Variants in TEK observed in about 807,000 individuals in gnomAD.
The protein encoded by TEK is angiopoietin-1 receptor.
A neutral mutation model predicts 131.8 loss-of-function variants in TEK; 43 were observed. That is an observed-to-expected ratio of 0.33 (90% CI 0.26 to 0.42). The LOEUF (loss-of-function observed/expected upper bound fraction) is 0.42. Among genes scored for constraint, TEK ranks in the 10% least tolerant of loss-of-function variants. TEK has a pLI of 1.00. For synonymous variants in TEK, 580 were observed against 491.6 expected, an observed-to-expected ratio of 1.18 and a Z score of -2.38; for missense variants, 1,162 against 1,384.4, an observed-to-expected ratio of 0.84 and a Z score of 2.55.
intron 1 of TEK, among the ~76,000 whole-genome samples, chr9:27,143,431 G>C (rs867323644): frequency 6.6e-6 from 1 of 152,104 alleles, no homozygotes; most frequent in African/African-American, 2.4e-5. Context: ...GCCAGGGAGG[G>C]GGCACACCTT....
At chr9:27,226,759 C>T (rs1462203586) in intron 21 of TEK, among the ~76,000 whole-genome samples, 5 of 152,078 alleles carry the variant, frequency 3.3e-5, no homozygotes, top group Non-Finnish European at 7.4e-5. Flanking sequence ...TTGCCTAGAA[C>T]CTTGCTTCTG....
chr9:27,208,913 C>T (rs1825500573), intron 15 of TEK, among the ~76,000 whole-genome samples: 1 of 152,176 alleles, frequency 6.6e-6, no homozygotes, highest in Non-Finnish European at 1.5e-5. Context: ...AAACATCTTA[C>T]CATGCACAGG....
At chr9:27,137,118 A>T (rs1822486525) in intron 1 of TEK, among the ~76,000 whole-genome samples, 1 of 152,122 alleles carries the variant, frequency 6.6e-6, no homozygotes, top group African/African-American at 2.4e-5. Context: ...GGGTTTCACC[A>T]TGTTCCCCAA....
chr9:27,172,469 T>C, intron 4 of TEK, 147 bp from the exon 5 acceptor site: 1 of 1,129,480 alleles, frequency 8.9e-7, no homozygotes, highest in Non-Finnish European at 1.3e-6. Context: ...TCTCCCATAT[T>C]AGATGATGAG....
Position 27,173,291 on chromosome 9 carries a change from A to G in TEK, c.830A>G (p.Tyr277Cys), listed in dbSNP as rs767297984. 2 of 1,614,096 alleles carry G rather than the reference A, an allele frequency of 1.2e-6. No individual in the cohort carries two copies. The highest frequency in any genetic ancestry group is 1.1e-5 in the South Asian group (1 of 91,082). ...AGTGGACAAGAGGGATGCAAGTCTTATGTGTTCTGTCTCCCTGACCCCTAT... is the reference window on the plus strand; with the variant it reads ...AGTGGACAAGAGGGATGCAAGTCTTGTGTGTTCTGTCTCCCTGACCCCTAT... ...RCSGQEGCKS[Y>C]VFCLPDPYGC... is the part of the protein sequence containing the mutation. Residue 277 changes from tyrosine (Y) to cysteine (C), a missense_variant, in exon 6 of 23, where the codon TAT (tyrosine) becomes TGT (cysteine). By Grantham distance (194) the Tyr-to-Cys change is radical. This residue lies in a region of TEK where 436 missense variants were observed against 539.1 expected (regional missense o/e 0.81). Transcript: ENST00000380036.
chr9:27,114,648 T>G (rs1821479520), intron 1 of TEK, among the ~76,000 whole-genome samples: 1 of 152,232 alleles, frequency 6.6e-6, no homozygotes, highest in Non-Finnish European at 1.5e-5. Flanking sequence ...TGCACCAATC[T>G]GATAATCAAT....
At chr9:27,194,466 C>A (rs1824936255) in intron 11 of TEK, among the ~76,000 whole-genome samples, 1 of 152,056 alleles carries the variant, frequency 6.6e-6, no homozygotes, top group South Asian at 2.1e-4. Flanking sequence ...AAAAATAAAC[C>A]CAGAAACTAT....
intron 2 of TEK, among the ~76,000 whole-genome samples, chr9:27,165,976 G>C (rs764043384): frequency 1.3e-5 from 2 of 152,264 alleles, no homozygotes; most frequent in Admixed American, 6.5e-5. Flanking sequence ...TGCCCTCACA[G>C]GGTAGTTGTC....
intron 1 of TEK, among the ~76,000 whole-genome samples, chr9:27,115,828 T>C (rs2131030578): frequency 6.6e-6 from 1 of 152,268 alleles, no homozygotes; most frequent in South Asian, 2.1e-4. Context: ...GAAGCTGTAA[T>C]GTAGGATGAA....
intron 2 of TEK, among the ~76,000 whole-genome samples, chr9:27,158,954 C>T (rs1473670111): frequency 3.3e-5 from 5 of 152,166 alleles, no homozygotes; most frequent in Non-Finnish European, 7.3e-5. Flanking sequence ...CCACCATGCC[C>T]GGCCAGTGTA....
Position 27,213,526 on chromosome 9 carries a change from G to C in TEK, c.2920G>C (p.Glu974Gln). ...GGCTGCCAGAAACATTTTAGTTGGT[G>C]AAAACTATGTGGCAAAAATAGCAGA... ...DLAARNILVG[E>Q]NYVAKIADFG... is the part of the protein sequence containing the mutation. The change falls in exon 18 of 23, where the codon GAA becomes CAA. Residue 974 changes from glutamate to glutamine, a missense_variant. By Grantham distance (29) the Glu-to-Gln change is conservative. Coordinates refer to ENST00000380036, the MANE Select transcript of TEK (RefSeq NM_000459.5). 6.2e-7 allele frequency: 1 copy of C among 1,614,078 alleles called. No homozygotes were observed. Among genetic ancestry groups the C allele is most frequent in the Non-Finnish European group, 8.5e-7 (1 of 1,179,936 alleles).
chr9:27,135,278 C>T (rs11788136), intron 1 of TEK, among the ~76,000 whole-genome samples: 78,818 of 150,422 alleles, frequency 0.52, 21,619 homozygotes, highest in African/African-American at 0.57. Context: ...AGCTGGTTGG[C>T]ATTCATTAGC....
intron 12 of TEK, among the ~76,000 whole-genome samples, chr9:27,198,075 T>C (rs1295098460): frequency 6.6e-6 from 1 of 152,212 alleles, no homozygotes; most frequent in Non-Finnish European, 1.5e-5. Context: ...CAAAGTATTT[T>C]GCATTTCAGG....
chr9:27,174,532 C>G (rs1465646318), intron 6 of TEK, among the ~76,000 whole-genome samples: 1 of 152,084 alleles, frequency 6.6e-6, no homozygotes, highest in Non-Finnish European at 1.5e-5. Context: ...TTCCCTTTTT[C>G]ATAGTAAGTC....
rs949674657 is a variant in TEK, at chr9:27,194,876, G to A, written c.1624+2253G>A. Among the ~76,000 whole-genome samples the A allele has an allele frequency of 2.0e-5, 3 of 152,060 alleles. No individual in the cohort carries two copies. The South Asian group carries it at 6.2e-4, about 32-fold the overall frequency. The stretch of plus-strand genomic sequence containing the variant: ...TGAGATGGTGAAGGCCAGGGAGTCC[G>A]GGAGGGGAAGGAAGAGAACACTTTC... On this transcript the variant is annotated intron_variant, in intron 11 of 22. Coordinates refer to ENST00000380036, the MANE Select transcript of TEK (RefSeq NM_000459.5).
chr9:27,128,305 C>A (rs1227775434), intron 1 of TEK, among the ~76,000 whole-genome samples: 1 of 152,142 alleles, frequency 6.6e-6, no homozygotes, highest in Admixed American at 6.5e-5. Context: ...GGTGTTATTT[C>A]TGAGGCCTCT....
chr9:27,157,214 A>G (rs1269066370), intron 1 of TEK, among the ~76,000 whole-genome samples: 2 of 152,198 alleles, frequency 1.3e-5, no homozygotes, highest in South Asian at 4.1e-4. Context: ...AGTATGCAAT[A>G]TATAACAGAC....
chr9:27,143,670 C>CAT lies in TEK; in HGVS notation c.53-14150_53-14149dup, dbSNP rs749841502. On this transcript the variant is annotated intron_variant, in intron 1 of 22. Coordinates refer to ENST00000380036, the MANE Select transcript of TEK (RefSeq NM_000459.5). ...CTGTGTCTCCTTACTTCCAGAACAA[C>CAT]ATATATATATATGTACACACGCACA... Among the ~76,000 whole-genome samples, 352 of 151,988 alleles carry CAT rather than the reference C, an allele frequency of 2.3e-3. 2 individuals are homozygous for CAT. Among genetic ancestry groups the CAT allele is most frequent in the South Asian group, 6.5e-3 (31 of 4,806 alleles).
intron 6 of TEK, 40 bp from the exon 7 acceptor site, chr9:27,180,200 C>T (rs770197818): frequency 1.2e-6 from 2 of 1,612,756 alleles, no homozygotes; most frequent in Non-Finnish European, 1.7e-6. Flanking sequence ...TCCTCTCTTC[C>T]CCTGGATTAA....
Sources: gnomAD v4.1 joint callset for allele counts (sites outside exome capture counted in the v4.1 genomes callset) on GRCh38, gnomAD v4.1.1 for gene constraint, gnomAD v4.1.1 regional missense constraint, MANE v1.5 for transcripts, NCBI Gene and HGNC (gene_info 2026-07-23, HGNC 2026-07-21) for gene names.